Variants in NOS1AP observed in about 807,000 individuals in gnomAD.
NOS1AP encodes nitric oxide synthase 1 adaptor protein, also known as carboxyl-terminal PDZ ligand of neuronal nitric oxide synthase protein.
In NOS1AP, 21 loss-of-function variants were observed where a neutral mutation model predicts 56.2. That is an observed-to-expected ratio of 0.37 (90% CI 0.26 to 0.54). The LOEUF is 0.54. NOS1AP is among the 20% of genes least tolerant of loss of function. The pLI, the probability that NOS1AP is intolerant of heterozygous loss-of-function variation, is 0.84. For missense variants in NOS1AP, 522 were observed against 657.8 expected, an observed-to-expected ratio of 0.79 and a Z score of 2.26; for synonymous variants, 270 against 274.6, an observed-to-expected ratio of 0.98 and a Z score of 0.17.
intron 2 of NOS1AP, among the ~76,000 whole-genome samples, chr1:162,236,404 G>C (rs1290496278): frequency 1.3e-5 from 2 of 152,146 alleles, no homozygotes; most frequent in African/African-American, 2.4e-5. Context: ...TAGCTGACTT[G>C]CCCTTCACAA....
At chr1:162,167,241 A>G (rs1198524472) in intron 2 of NOS1AP, among the ~76,000 whole-genome samples, 1 of 152,212 alleles carries the variant, frequency 6.6e-6, no homozygotes, top group African/African-American at 2.4e-5. Context: ...TTAGCAATTT[A>G]CCTGTCTCCT....
chr1:162,353,704 G>A (rs533412845), intron 6 of NOS1AP, among the ~76,000 whole-genome samples: 2 of 152,332 alleles, frequency 1.3e-5, no homozygotes, highest in South Asian at 4.1e-4. Flanking sequence ...CACTGCAGTA[G>A]CCCAGCTTCT....
Position 162,367,562 on chromosome 1 carries a change from C to A in NOS1AP, c.*95C>A. 7.4e-7 allele frequency: 1 copy of A among 1,352,224 alleles called. No homozygotes were observed. The allele number at this position is 1,352,224 out of a possible 1,614,324, so 83.8% of individuals were successfully genotyped here. ...GGGATGCCCAGTGAATGTGCACTGCCGAGGAGAATGCCAGCCAGGGCCCGG... is the reference window on the plus strand; with the variant it reads ...GGGATGCCCAGTGAATGTGCACTGCAGAGGAGAATGCCAGCCAGGGCCCGG... On this transcript the variant is annotated 3_prime_UTR_variant, in exon 10 of 10. Coordinates refer to ENST00000361897, the MANE Select transcript of NOS1AP (RefSeq NM_014697.3). This position sits in a 1 kb window ranked among gnomAD's most constrained non-coding sequence, Gnocchi z 6.5.
chr1:162,235,166 A>G (rs1653247935), intron 2 of NOS1AP, among the ~76,000 whole-genome samples: 1 of 151,940 alleles, frequency 6.6e-6, no homozygotes, highest in East Asian at 1.9e-4. Context: ...GCCAAGTGTT[A>G]TGAGGTTTAG....
intron 8 of NOS1AP, among the ~76,000 whole-genome samples, chr1:162,358,546 T>C (rs1253785487): frequency 2.0e-5 from 3 of 152,200 alleles, no homozygotes; most frequent in Admixed American, 2.0e-4. Flanking sequence ...ATTAATGGCT[T>C]CTTATATTTG....
intron 5 of NOS1AP, chr1:162,338,886 C>G (rs146296214): frequency 2.0e-5 from 3 of 152,144 alleles, no homozygotes; most frequent in Non-Finnish European, 2.9e-5. Context: ...TGACCATTGC[C>G]GCAGTTCATC....
intron 1 of NOS1AP, among the ~76,000 whole-genome samples, chr1:162,125,050 G>T (rs1648422436): frequency 6.6e-6 from 1 of 150,664 alleles, no homozygotes; most frequent in South Asian, 2.1e-4. Context: ...CATAGAGGTT[G>T]TACTAATTTA....
intron 1 of NOS1AP, among the ~76,000 whole-genome samples, chr1:162,149,446 C>A (rs1389295749): frequency 7.9e-5 from 12 of 152,240 alleles, no homozygotes; most frequent in Non-Finnish European, 1.8e-4. Flanking sequence ...TGGTGTCTTA[C>A]ACTTTGCTCA....
At chr1:162,289,252 CCTT>C (rs1655199991) in intron 3 of NOS1AP, among the ~76,000 whole-genome samples, 59 of 86,832 alleles carry the variant, frequency 6.8e-4, no homozygotes, top group Middle Eastern at 5.9e-3. Flanking sequence ...TTCCTTCCTT[CCTT>C]CCTTCCTTCC....
chr1:162,200,673 T>C (rs1402288601), intron 2 of NOS1AP, among the ~76,000 whole-genome samples: 1 of 152,208 alleles, frequency 6.6e-6, no homozygotes, highest in East Asian at 1.9e-4. Flanking sequence ...TATGGGAGGA[T>C]GACTTTTGGA....
chr1:162,145,349 T>C (rs1169803929), intron 1 of NOS1AP, among the ~76,000 whole-genome samples: 1 of 152,100 alleles, frequency 6.6e-6, no homozygotes, highest in Non-Finnish European at 1.5e-5. Context: ...TTTGAGTCCC[T>C]ATCCCCACGT....
Position 162,261,515 on chromosome 1 carries a change from AG to A in NOS1AP, c.178-25828del, listed in dbSNP as rs1399810378. On this transcript the variant is annotated intron_variant, in intron 2 of 9. Coordinates refer to ENST00000361897, the MANE Select transcript of NOS1AP (RefSeq NM_014697.3). ...GAGAGAGAGAGAGAGAGAGAGAGAGAGAGAGAGAGAGAGAGAGAGAGAGAGA... is the reference window on the plus strand; with the variant it reads ...GAGAGAGAGAGAGAGAGAGAGAGAGAAGAGAGAGAGAGAGAGAGAGAGAGA... Among the ~76,000 whole-genome samples, 38 of 24,602 alleles carry A rather than the reference AG, an allele frequency of 1.5e-3. 14 individuals carry two copies. Among genetic ancestry groups the A allele is most frequent in the Middle Eastern group, 0.043 (2 of 46 alleles). The allele number at this position is 24,602 out of a possible 152,430, so 16.1% of individuals were successfully genotyped here.
At chr1:162,196,500 G>C (rs1651811465) in intron 2 of NOS1AP, among the ~76,000 whole-genome samples, 1 of 152,190 alleles carries the variant, frequency 6.6e-6, no homozygotes, top group South Asian at 2.1e-4. Flanking sequence ...GTTAATGTTG[G>C]GAAGGATGCA....
rs1413803153 is a variant in NOS1AP, at chr1:162,323,452, G to C, written c.345-9565G>C. On this transcript the variant is annotated intron_variant, in intron 4 of 9. Coordinates refer to ENST00000361897, the MANE Select transcript of NOS1AP (RefSeq NM_014697.3). ...GAAATTAATACAGATACTACTGGCT[G>C]TGTGACCTTAAGAAAATGCACAGGG... Among the ~76,000 whole-genome samples, 3 of 152,342 alleles carry C rather than the reference G, an allele frequency of 2.0e-5. No homozygotes were observed. In the East Asian group the frequency reaches 5.8e-4, roughly 29 times the overall value.
chr1:162,223,419 G>C lies in NOS1AP; in HGVS notation c.178-63925G>C, dbSNP rs187033079. Among the ~76,000 whole-genome samples, 1,093 of 152,264 alleles carry C rather than the reference G, an allele frequency of 7.2e-3. 5 individuals are homozygous for C. Among genetic ancestry groups the C allele is most frequent in the Non-Finnish European group, 8.6e-3 (583 of 68,026 alleles). On this transcript the variant is annotated intron_variant, in intron 2 of 9. Coordinates refer to ENST00000361897, the MANE Select transcript of NOS1AP (RefSeq NM_014697.3). ...AGAATAGATTCTGTATTGCCAAAAAGTGTGTAGGGGTGGGGTGGGGGAGCT... is the reference window on the plus strand; with the variant it reads ...AGAATAGATTCTGTATTGCCAAAAACTGTGTAGGGGTGGGGTGGGGGAGCT...
chr1:162,165,307 G>A (rs1014789559), intron 2 of NOS1AP, among the ~76,000 whole-genome samples: 8 of 151,970 alleles, frequency 5.3e-5, no homozygotes, highest in Admixed American at 1.3e-4. Context: ...GGTAACAAGA[G>A]CGAAACTCTG....
intron 5 of NOS1AP, among the ~76,000 whole-genome samples, chr1:162,334,402 A>G (rs958412861): frequency 6.6e-6 from 1 of 152,228 alleles, no homozygotes; most frequent in African/African-American, 2.4e-5. Flanking sequence ...AAGCTGCATT[A>G]AAGAACTGAT....
intron 7 of NOS1AP, among the ~76,000 whole-genome samples, chr1:162,355,838 C>T (rs1190460565): frequency 6.6e-6 from 1 of 152,156 alleles, no homozygotes; most frequent in Non-Finnish European, 1.5e-5. Flanking sequence ...ACTGAGAGAC[C>T]ACCTTAGTCT....
chr1:162,142,512 A>T (rs1305468550), intron 1 of NOS1AP, among the ~76,000 whole-genome samples: 1 of 152,112 alleles, frequency 6.6e-6, no homozygotes, highest in Non-Finnish European at 1.5e-5. Flanking sequence ...ACATATGGTC[A>T]TATGTTGAAC....
Sources: gnomAD v4.1 joint callset for allele counts (sites outside exome capture counted in the v4.1 genomes callset) on GRCh38, gnomAD v4.1.1 for gene constraint, Gnocchi (gnomAD v3.1) non-coding constraint, MANE v1.5 for transcripts, NCBI Gene and HGNC (gene_info 2026-07-23, HGNC 2026-07-21) for gene names.